The following CLEC16A variants were observed in gnomAD, a reference collection of about 807,000 sequenced individuals.
CLEC16A encodes the protein C-type lectin domain containing 16A.
A neutral mutation model predicts 109.5 loss-of-function variants in CLEC16A; 51 were observed. The observed-to-expected ratio is 0.47, with a 90% CI of 0.37 to 0.59. The LOEUF (loss-of-function observed/expected upper bound fraction) is 0.59, where lower values mean the gene tolerates loss of function less well. Ranked by LOEUF, CLEC16A falls within the 20% of genes least tolerant of loss-of-function variation. The probability of loss-of-function intolerance (pLI) is 0.00; values close to 1 mark genes in which losing one functional copy is unlikely to be tolerated. For synonymous variants in CLEC16A, 673 were observed against 564.2 expected (o/e 1.19, Z -2.73); for missense variants, 1,339 against 1,394.0 (o/e 0.96, Z 0.63).
intron 19 of CLEC16A, among the ~76,000 whole-genome samples, chr16:11,102,423 AT>A (rs1353071378): frequency 6.6e-6 from 1 of 152,206 alleles, no homozygotes; most frequent in Non-Finnish European, 1.5e-5. Context: ...GGTCTCCTAT[AT>A]TTTACTGTTA....
chr16:11,040,090 C>A (rs2152848656), intron 14 of CLEC16A: 2 of 507,172 alleles, frequency 3.9e-6, no homozygotes, highest in South Asian at 3.5e-5. Flanking sequence ...GCCATCCCAT[C>A]CCCTGCCACT....
intron 19 of CLEC16A, among the ~76,000 whole-genome samples, chr16:11,078,186 T>G (rs2049496996): frequency 2.0e-5 from 1 of 49,842 alleles, no homozygotes; most frequent in African/African-American, 8.7e-5. Context: ...AGCGTGAGGG[T>G]GGGTGGTGCG....
intron 10 of CLEC16A, among the ~76,000 whole-genome samples, chr16:10,992,219 C>T (rs1390165781): frequency 1.3e-5 from 2 of 152,120 alleles, no homozygotes; most frequent in African/African-American, 4.8e-5. Flanking sequence ...GATCTCACTC[C>T]TCCTGTCTAA....
chr16:11,162,931 T>C (rs1347341358), intron 22 of CLEC16A, among the ~76,000 whole-genome samples: 2 of 152,212 alleles, frequency 1.3e-5, no homozygotes, highest in African/African-American at 4.8e-5. Flanking sequence ...CAGCCTCTGA[T>C]ACACATTTTG....
At chr16:11,055,574 G>GTTTTTT (rs2048168747) in intron 18 of CLEC16A, among the ~76,000 whole-genome samples, 1 of 53,364 alleles carries the variant, frequency 1.9e-5, no homozygotes, top group African/African-American at 1.1e-4. Flanking sequence ...TTTCCCTCTT[G>GTTTTTT]CTTTTTTTTT....
intron 19 of CLEC16A, among the ~76,000 whole-genome samples, chr16:11,113,668 A>T (rs1412071506): frequency 6.6e-6 from 1 of 152,150 alleles, no homozygotes; most frequent in East Asian, 1.9e-4. Context: ...CAAAGAAAAA[A>T]AACAGAAAGA....
intron 15 of CLEC16A, among the ~76,000 whole-genome samples, 162 bp downstream of exon 15, chr16:11,042,525 T>G (rs974574762): frequency 6.6e-6 from 1 of 152,226 alleles, no homozygotes; most frequent in African/African-American, 2.4e-5. Context: ...TCCAACCTAC[T>G]TATTCAGCAG....
chr16:11,042,820 A>G (rs906690915), intron 15 of CLEC16A, among the ~76,000 whole-genome samples: 4 of 151,580 alleles, frequency 2.6e-5, no homozygotes, highest in Non-Finnish European at 2.9e-5. Flanking sequence ...AGTAACAACT[A>G]TAGTTGACAT....
intron 10 of CLEC16A, among the ~76,000 whole-genome samples, chr16:10,990,188 A>G (rs767656660): frequency 6.6e-6 from 1 of 152,222 alleles, no homozygotes; most frequent in Non-Finnish European, 1.5e-5. Context: ...AGCTTGGTGT[A>G]TATTCTCCCT....
chr16:11,089,769 T>C (rs11861236), intron 19 of CLEC16A, among the ~76,000 whole-genome samples: 74,617 of 152,088 alleles, frequency 0.49, 19,149 homozygotes, highest in African/African-American at 0.65. Flanking sequence ...GTAAGAATGA[T>C]AGGGCAGCCT....
At chr16:10,946,343 C>T (rs377708264) in intron 1 of CLEC16A, among the ~76,000 whole-genome samples, 19 of 152,296 alleles carry the variant, frequency 1.2e-4, no homozygotes, top group African/African-American at 4.6e-4. Flanking sequence ...CAGTTCTCAG[C>T]TGTGACCTTT....
At position 11,099,971 on chromosome 16, in the gene CLEC16A, T is replaced by TATCTA. The variant is rs534709234; in HGVS notation, c.2117-20644_2117-20643insATCTA. 7.1e-3 allele frequency among the ~76,000 whole-genome samples: 1,082 copies of TATCTA among 152,260 alleles called. 10 individuals carry two copies. Among genetic ancestry groups the TATCTA allele is most frequent in the Non-Finnish European group, 0.011 (747 of 68,008 alleles). On this transcript the variant is annotated intron_variant, in intron 19 of 23. Coordinates refer to ENST00000409790, the MANE Select transcript of CLEC16A (RefSeq NM_015226.3). ...TTACCTATCTAGCCAGAGTTGCACC[T>TATCTA]GGGGTTTGGAGGCACGGCTGACTGG...
rs117867041 is a variant in CLEC16A, at chr16:10,955,858, C to T, written c.81-1924C>T. On this transcript the variant is annotated intron_variant, in intron 1 of 23. Coordinates refer to ENST00000409790, the MANE Select transcript of CLEC16A (RefSeq NM_015226.3). ...ACTGATGGCCACAGCTGGAGTGGTG[C>T]GGTGACTGTCAGACTTCAGTGGGAT... is the stretch of plus-strand genomic sequence containing the variant. Among the ~76,000 whole-genome samples the T allele has an allele frequency of 1.1e-3, 171 of 152,262 alleles. No individual in the cohort carries two copies. In the East Asian group the frequency reaches 0.027, roughly 24 times the overall value.
chr16:11,034,706 A>G (rs1334704477), intron 13 of CLEC16A, among the ~76,000 whole-genome samples: 1 of 152,228 alleles, frequency 6.6e-6, no homozygotes, highest in African/African-American at 2.4e-5. Context: ...AGAATGAGCT[A>G]GTGCTCCCGT....
In CLEC16A at chr16:11,122,580, C is replaced by T. The variant is rs1032571767; in HGVS notation, c.2269-1162C>T. On this transcript the variant is annotated intron_variant, in intron 20 of 23. Transcript: ENST00000409790. ...AATGCCTCATCTGATCTTACTGCCGCGTTTTGATGGGGGTGTTATCTCCAA... is the reference window on the plus strand; with the variant it reads ...AATGCCTCATCTGATCTTACTGCCGTGTTTTGATGGGGGTGTTATCTCCAA... Among the ~76,000 whole-genome samples, 18 of 152,274 alleles carry T rather than the reference C, an allele frequency of 1.2e-4. No homozygotes were observed. The East Asian group carries it at 1.7e-3, about 15-fold the overall frequency.
chr16:11,084,364 T>C (rs116385288), intron 19 of CLEC16A, among the ~76,000 whole-genome samples: 6,846 of 152,264 alleles, frequency 0.045, 554 homozygotes, highest in African/African-American at 0.16. Context: ...ACCAAGCTGC[T>C]TGGGGGCAGA....
At chr16:11,133,079 C>T (rs913536120) in intron 22 of CLEC16A, among the ~76,000 whole-genome samples, 2 of 152,180 alleles carry the variant, frequency 1.3e-5, no homozygotes, top group African/African-American at 4.8e-5. Flanking sequence ...GGGTTTGGGG[C>T]TCCAGCTGTC....
intron 1 of CLEC16A, among the ~76,000 whole-genome samples, chr16:10,952,717 G>A (rs990286145): frequency 6.6e-6 from 1 of 152,216 alleles, no homozygotes; most frequent in Non-Finnish European, 1.5e-5. Context: ...AGAAAGACGA[G>A]CAAGGTGAAG....
intron 10 of CLEC16A, among the ~76,000 whole-genome samples, chr16:11,000,281 A>C (rs886286099): frequency 3.3e-5 from 5 of 152,202 alleles, no homozygotes; most frequent in Admixed American, 3.3e-4. Context: ...GGCGCTGAGC[A>C]CTTTATTTCA....
Sources: allele counts gnomAD v4.1 joint callset (sites outside exome capture counted in the v4.1 genomes callset), GRCh38; gene constraint gnomAD v4.1.1; transcripts MANE v1.5; gene names NCBI Gene and HGNC (gene_info 2026-07-23, HGNC 2026-07-21).